Variants in LLGL1 observed in about 807,000 individuals in gnomAD.
LLGL1 encodes lethal(2) giant larvae protein homolog 1.
In LLGL1, 58 loss-of-function variants were observed where a neutral mutation model predicts 110.6. The observed-to-expected ratio is 0.52, with a 90% CI of 0.42 to 0.65. LLGL1 has a LOEUF of 0.65. Ranked by LOEUF, LLGL1 falls within the 30% of genes least tolerant of loss-of-function variation. The pLI, the probability that LLGL1 is intolerant of heterozygous loss-of-function variation, is 0.00. For synonymous variants in LLGL1, 674 were observed against 607.2 expected, an observed-to-expected ratio of 1.11 and a Z score of -1.62; for missense variants, 1,229 against 1,462.1, an observed-to-expected ratio of 0.84 and a Z score of 2.60.
rs547006014 is a variant in LLGL1, at chr17:18,231,081, T to G, written c.179+1043T>G. Among the ~76,000 whole-genome samples the G allele has an allele frequency of 1.1e-4, 16 of 152,302 alleles. No individual in the cohort carries two copies. In the South Asian group the frequency reaches 3.1e-3, roughly 30 times the overall value. On this transcript the variant is annotated intron_variant, in intron 2 of 22. Coordinates refer to ENST00000316843, the MANE Select transcript of LLGL1 (RefSeq NM_004140.4). ...CAGCCTTCAGGTGTCCCTCCTGTGT[T>G]GGGGTCTCCAGTGCACTTGTCCTCA...
chr17:18,240,947 C>T lies in LLGL1; in HGVS notation c.2502+74C>T, dbSNP rs2047817414. On this transcript the variant is annotated intron_variant, in intron 17 of 22. Coordinates refer to ENST00000316843, the MANE Select transcript of LLGL1 (RefSeq NM_004140.4). This position sits in a 1 kb window ranked among gnomAD's most constrained non-coding sequence, Gnocchi z 5.3. ...CCCAACCTCATGGACACCATTGGACCCTCAAGAAACCCTTCCTGCCTGTAT... is the reference window on the plus strand; with the variant it reads ...CCCAACCTCATGGACACCATTGGACTCTCAAGAAACCCTTCCTGCCTGTAT... 2 of 1,382,968 alleles carry T rather than the reference C, an allele frequency of 1.4e-6. No individual in the cohort carries two copies. The highest frequency in any genetic ancestry group is 2.9e-5 in the African/African-American group (2 of 68,614). The allele number at this position is 1,382,968 out of a possible 1,614,324, so 85.7% of individuals were successfully genotyped here.
chr17:18,240,957 C>T lies in LLGL1; in HGVS notation c.2502+84C>T. On this transcript the variant is annotated intron_variant, in intron 17 of 22. Coordinates refer to ENST00000316843, the MANE Select transcript of LLGL1 (RefSeq NM_004140.4). This position sits in a 1 kb window ranked among gnomAD's most constrained non-coding sequence, Gnocchi z 5.3. Reference sequence around the variant, plus strand: ...TGGACACCATTGGACCCTCAAGAAACCCTTCCTGCCTGTATCCCCCACTGT... The same window carrying T: ...TGGACACCATTGGACCCTCAAGAAATCCTTCCTGCCTGTATCCCCCACTGT... The T allele has an allele frequency of 1.5e-6, 2 of 1,343,468 alleles. No individual in the cohort carries two copies. Among genetic ancestry groups the T allele is most frequent in the Non-Finnish European group, 2.0e-6 (2 of 1,004,142 alleles). 83.2% of individuals were successfully genotyped at this position (1,343,468 alleles called of 1,614,324 possible). A position where few individuals can be genotyped will look rare whatever the true frequency, so the allele number is the denominator to read the frequency against.
chr17:18,242,677 C>A (rs1045048878), intron 21 of LLGL1, 49 bp downstream of exon 21: 2 of 1,572,764 alleles, frequency 1.3e-6, no homozygotes, highest in Non-Finnish European at 1.7e-6. Context: ...GTCCCCTAGG[C>A]CTCCGTCCCC....
intron 13 of LLGL1, 45 bp downstream of exon 13, chr17:18,236,984 T>C: frequency 6.7e-7 from 1 of 1,492,264 alleles, no homozygotes; most frequent in Non-Finnish European, 9.2e-7. Context: ...GGGAGGGCTT[T>C]CTGGAAGAGA....
chr17:18,228,719 G>A (rs2047506016), intron 1 of LLGL1, among the ~76,000 whole-genome samples: 3 of 152,194 alleles, frequency 2.0e-5, no homozygotes, highest in South Asian at 4.1e-4. Flanking sequence ...GCTAGACAAG[G>A]TCAGGTGCAG....
chr17:18,243,403 G>A (rs933264899), intron 22 of LLGL1, among the ~76,000 whole-genome samples: 3 of 152,208 alleles, frequency 2.0e-5, no homozygotes, highest in East Asian at 1.9e-4. Context: ...CACCGCACCC[G>A]GCCAACAAGA....
intron 17 of LLGL1, 121 bp from the exon 18 acceptor site, chr17:18,241,330 G>A: frequency 9.9e-6 from 13 of 1,308,802 alleles, no homozygotes; most frequent in Non-Finnish European, 1.3e-5. Context: ...AGGCACGGGA[G>A]GCCACGTAGC....
At position 18,232,283 on chromosome 17, in the gene LLGL1, A is replaced by G. The variant is rs763401240; in HGVS notation, c.180-212A>G. On this transcript the variant is annotated intron_variant, in intron 2 of 22. Transcript: ENST00000316843. ...TAGCAGCACCTGACTTGCAGGAGTG[A>G]GTGGAGCCTGCACACTGATCTTGGG... Among the ~76,000 whole-genome samples the G allele has an allele frequency of 4.1e-4, 63 of 152,228 alleles. 1 individual carries two copies. Among genetic ancestry groups the G allele is most frequent in the Admixed American group, 2.1e-3 (32 of 15,286 alleles).
chr17:18,226,388 T>G (rs2047443804), intron 1 of LLGL1, among the ~76,000 whole-genome samples: 1 of 152,162 alleles, frequency 6.6e-6, no homozygotes, highest in Admixed American at 6.5e-5. Flanking sequence ...TGTTTTGTGC[T>G]TTGGCACCCA....
At chr17:18,239,972 T>C (rs1442942458) in intron 16 of LLGL1, among the ~76,000 whole-genome samples, 1 of 152,126 alleles carries the variant, frequency 6.6e-6, no homozygotes, top group Non-Finnish European at 1.5e-5. Flanking sequence ...GGCTGGGCTC[T>C]GATTCTCCAC....
rs1214087432 is a variant in LLGL1 at position 18,244,568 on chromosome 17, T to C, written c.*662T>C. The C allele has an allele frequency of 6.6e-6, 1 of 152,164 alleles. No individual in the cohort carries two copies. The highest frequency in any genetic ancestry group is 2.4e-5 in the African/African-American group (1 of 41,358). 9.4% of individuals were successfully genotyped at this position (152,164 alleles called of 1,614,324 possible). A position where few individuals can be genotyped will look rare whatever the true frequency, so the allele number is the denominator to read the frequency against. On this transcript the variant is annotated 3_prime_UTR_variant, in exon 23 of 23. Coordinates refer to ENST00000316843, the MANE Select transcript of LLGL1 (RefSeq NM_004140.4). ...CTGCAAAGAGTATTTTTCTAGCGCC[T>C]GGGCTGGACAGTTGTTTCTAAAACT...
chr17:18,238,419 G>A, intron 15 of LLGL1, 37 bp from the exon 16 acceptor site: 3 of 1,588,894 alleles, frequency 1.9e-6, no homozygotes, highest in Non-Finnish European at 2.6e-6. Flanking sequence ...CCACTGGGGT[G>A]CTAGGGAGAC....
At chr17:18,237,114 G>T in intron 13 of LLGL1, 175 bp downstream of exon 13, 5 of 621,526 alleles carry the variant, frequency 8.0e-6, no homozygotes. Context: ...CCTGTCGCTG[G>T]GGGAACCACA....
At chr17:18,242,853 C>T (rs1352441642) in intron 22 of LLGL1, 31 bp downstream of exon 22, 2 of 1,526,608 alleles carry the variant, frequency 1.3e-6, no homozygotes, top group African/African-American at 1.4e-5. Flanking sequence ...TGGTCCTCAC[C>T]ACTGGTGACG....
Position 18,238,651 on chromosome 17 carries a change from G to A in LLGL1, c.2206+42G>A, listed in dbSNP as rs556486984. 3.8e-6 allele frequency: 6 copies of A among 1,574,160 alleles called. No homozygotes were observed. In the East Asian group the frequency reaches 1.4e-4, roughly 35 times the overall value. Reference sequence around the variant, plus strand: ...GGCAGGGACAGGGCAAGGGTTGGGGGGGCTGGCCTCAATTGGCCACCTGGG... The same window carrying A: ...GGCAGGGACAGGGCAAGGGTTGGGGAGGCTGGCCTCAATTGGCCACCTGGG... On this transcript the variant is annotated intron_variant, in intron 16 of 22. Transcript: ENST00000316843.
rs2047920090 is a variant in LLGL1, at chr17:18,244,016, G to A, written c.*110G>A. ...TAGAACCACGCCTGCTAACCTGTAGGCTCCACTGGGACCTGCTGTCCTGTC... is the reference window on the plus strand; with the variant it reads ...TAGAACCACGCCTGCTAACCTGTAGACTCCACTGGGACCTGCTGTCCTGTC... On this transcript the variant is annotated 3_prime_UTR_variant, in exon 23 of 23. Coordinates refer to ENST00000316843, the MANE Select transcript of LLGL1 (RefSeq NM_004140.4). 1 of 152,600 alleles carries A rather than the reference G, an allele frequency of 6.6e-6. No individual in the cohort carries two copies. Among genetic ancestry groups the A allele is most frequent in the African/African-American group, 2.4e-5 (1 of 41,440 alleles). The allele number at this position is 152,600 out of a possible 1,614,324, so 9.5% of individuals were successfully genotyped here. A position where few individuals can be genotyped will look rare whatever the true frequency, so the allele number is the denominator to read the frequency against.
chr17:18,238,514 C>T lies in LLGL1; in HGVS notation c.2111C>T (p.Thr704Met), dbSNP rs367727740. The change falls in exon 16 of 23, where the codon ACG becomes ATG. Residue 704 changes from threonine to methionine, a missense_variant. Coordinates refer to ENST00000316843, the MANE Select transcript of LLGL1 (RefSeq NM_004140.4). ...GCCTGCCCCCACGACGTGGAGATGA[C>T]GCCCGTGCAGCGCCGCATTGAGCCC... Reference protein sequence around the residue: ...EQACPHDVEMTPVQRRIEPRS... With the variant: ...EQACPHDVEMMPVQRRIEPRS... 45 of 1,612,498 alleles carry T rather than the reference C, an allele frequency of 2.8e-5. No individual in the cohort carries two copies. Among genetic ancestry groups the T allele is most frequent in the African/African-American group, 2.5e-4 (19 of 74,928 alleles).
intron 1 of LLGL1, among the ~76,000 whole-genome samples, chr17:18,226,362 G>T (rs1482933722): frequency 6.6e-6 from 1 of 152,176 alleles, no homozygotes; most frequent in African/African-American, 2.4e-5. Flanking sequence ...CCTTGGGACA[G>T]CCCTGGGGCC....
chr17:18,231,164 AGCCC>A (rs1286651856), intron 2 of LLGL1, among the ~76,000 whole-genome samples: 1 of 152,140 alleles, frequency 6.6e-6, no homozygotes, highest in Non-Finnish European at 1.5e-5. Context: ...AGGAGGCTGG[AGCCC>A]GGGGTCCTCT....
Sources: allele counts gnomAD v4.1 joint callset (sites outside exome capture counted in the v4.1 genomes callset), GRCh38; gene constraint gnomAD v4.1.1; non-coding constraint Gnocchi (gnomAD v3.1); transcripts MANE v1.5; gene names NCBI Gene and HGNC (gene_info 2026-07-23, HGNC 2026-07-21).